TSNARE1: variants seen among roughly 807,000 people sequenced by gnomAD.
The protein encoded by TSNARE1 is t-SNARE domain containing 1, also known as t-SNARE domain-containing protein 1.
A neutral mutation model predicts 62.0 loss-of-function variants in TSNARE1; 49 were observed. The ratio of observed to expected loss-of-function variants is 0.79; its 90% CI spans 0.63 to 1.00. The LOEUF (loss-of-function observed/expected upper bound fraction) is 1.00. Ranked by LOEUF, TSNARE1 falls within the 50% of genes least tolerant of loss-of-function variation. The probability of loss-of-function intolerance (pLI) is 0.00; values close to 1 mark genes in which losing one functional copy is unlikely to be tolerated. For missense variants in TSNARE1, 755 were observed against 700.1 expected (o/e 1.08, Z -0.88); for synonymous variants, 328 against 294.4 (o/e 1.11, Z -1.17).
At chr8:142,369,321 G>T (rs1319988056) in intron 1 of TSNARE1, among the ~76,000 whole-genome samples, 1 of 152,202 alleles carries the variant, frequency 6.6e-6, no homozygotes, top group African/African-American at 2.4e-5. Context: ...GGCAACCCCT[G>T]ACCAGCTGGA....
rs1208366784 is a variant in TSNARE1 at position 142,223,453 on chromosome 8, C to T, written c.*11+6020G>A. Among the ~76,000 whole-genome samples the T allele has an allele frequency of 2.3e-4, 8 of 35,032 alleles. 1 individual carries two copies. The highest frequency in any genetic ancestry group is 4.2e-4 in the African/African-American group (5 of 11,886). 23.0% of individuals were successfully genotyped at this position (35,032 alleles called of 152,430 possible). A position where few individuals can be genotyped will look rare whatever the true frequency, so the allele number is the denominator to read the frequency against. ...TCACTCACTCACTAATTCACTCATT[C>T]GCTCATTCACTCATTCACTAACTCA... On this transcript the variant is annotated intron_variant, in intron 13 of 13. Coordinates refer to ENST00000524325, the MANE Select transcript of TSNARE1 (RefSeq NM_145003.5).
chr8:142,314,678 C>T (rs561066212), intron 8 of TSNARE1, among the ~76,000 whole-genome samples: 7 of 152,326 alleles, frequency 4.6e-5, no homozygotes, highest in East Asian at 3.9e-4. Context: ...GCCAGCGAGT[C>T]GCTGGATGGC....
rs575549730 is a variant in TSNARE1, at chr8:142,311,249, G to A, written c.1131+3135C>T. ...GCAATCTTGGCTCACTGCAACCTGC[G>A]CCTCCCAGATTCAAGCGATTCTCCT... On this transcript the variant is annotated intron_variant, in intron 9 of 13. Transcript: ENST00000524325. Among the ~76,000 whole-genome samples the A allele has an allele frequency of 3.5e-5, 5 of 144,912 alleles. No individual in the cohort carries two copies. In the East Asian group the frequency reaches 8.2e-4, roughly 24 times the overall value.
chr8:142,297,090 G>A (rs1563853469), intron 10 of TSNARE1, among the ~76,000 whole-genome samples: 1 of 152,232 alleles, frequency 6.6e-6, no homozygotes, highest in East Asian at 1.9e-4. Context: ...AAATGAATGA[G>A]GCAAATCGGG....
intron 13 of TSNARE1, among the ~76,000 whole-genome samples, chr8:142,221,719 AC>A (rs1816230787): frequency 1.7e-5 from 1 of 57,480 alleles, no homozygotes; most frequent in African/African-American, 5.6e-5. Context: ...CCACTCACTC[AC>A]TCATTCACTC....
intron 12 of TSNARE1, among the ~76,000 whole-genome samples, chr8:142,258,028 C>G (rs555665774): frequency 6.6e-6 from 1 of 152,324 alleles, no homozygotes; most frequent in African/African-American, 2.4e-5. Flanking sequence ...CTTATACACA[C>G]ATGCACACAT....
intron 13 of TSNARE1, among the ~76,000 whole-genome samples, chr8:142,226,428 C>A (rs555116105): frequency 6.6e-6 from 1 of 152,196 alleles, no homozygotes; most frequent in Non-Finnish European, 1.5e-5. Context: ...GCCCACCTCT[C>A]AGCCCACGCT....
intron 12 of TSNARE1, among the ~76,000 whole-genome samples, chr8:142,267,717 G>A (rs932033749): frequency 3.9e-5 from 6 of 152,132 alleles, no homozygotes; most frequent in East Asian, 1.9e-4. Flanking sequence ...GGCAAGCTCC[G>A]CCACAGAATG....
At position 142,378,445 on chromosome 8, in the gene TSNARE1, G is replaced by A. The variant is rs1369686899; in HGVS notation, c.-39-23682C>T. 3.9e-5 allele frequency among the ~76,000 whole-genome samples: 6 copies of A among 152,320 alleles called. No homozygotes were observed. In the South Asian group the frequency reaches 6.2e-4, roughly 16 times the overall value. On this transcript the variant is annotated intron_variant, in intron 1 of 13. Coordinates refer to ENST00000524325, the MANE Select transcript of TSNARE1 (RefSeq NM_145003.5). ...AGACAGCCATCAAAACTCATCACAC[G>A]GAACACTGGGGAGCTGTGTGTCCTA...
chr8:142,251,289 G>A (rs899615877), intron 12 of TSNARE1, among the ~76,000 whole-genome samples: 15 of 151,246 alleles, frequency 9.9e-5, no homozygotes, highest in South Asian at 2.1e-4. Flanking sequence ...AGGCAGTGTC[G>A]GAGTTTGAGA....
intron 1 of TSNARE1, among the ~76,000 whole-genome samples, chr8:142,361,447 G>A (rs1319559911): frequency 3.3e-5 from 5 of 152,188 alleles, no homozygotes; most frequent in Non-Finnish European, 4.4e-5. Flanking sequence ...GGCAGCAGAG[G>A]CAATGGCAAG....
intron 1 of TSNARE1, among the ~76,000 whole-genome samples, chr8:142,368,222 C>CAA (rs1483951005): frequency 1.3e-5 from 2 of 151,248 alleles, no homozygotes; most frequent in Non-Finnish European, 2.9e-5. Flanking sequence ...CGAATATTAT[C>CAA]CTTAACATAT....
At chr8:142,370,579 C>G (rs752806357) in intron 1 of TSNARE1, among the ~76,000 whole-genome samples, 1 of 151,874 alleles carries the variant, frequency 6.6e-6, no homozygotes, top group Admixed American at 6.6e-5. Context: ...AAAACAACAG[C>G]AACAACAAAA....
intron 12 of TSNARE1, among the ~76,000 whole-genome samples, chr8:142,235,229 C>G (rs1817346787): frequency 6.6e-6 from 1 of 151,728 alleles, no homozygotes; most frequent in African/African-American, 2.4e-5. Flanking sequence ...CGTGACTCAC[C>G]CAGGATACCC....
At position 142,316,943 on chromosome 8, in the gene TSNARE1, G is replaced by A. The variant is rs758299194; in HGVS notation, c.984+1601C>T. Among the ~76,000 whole-genome samples the A allele has an allele frequency of 2.0e-5, 3 of 151,918 alleles. No individual in the cohort carries two copies. In the Admixed American group the frequency reaches 2.0e-4, roughly 10 times the overall value. On this transcript the variant is annotated intron_variant, in intron 7 of 13. Coordinates refer to ENST00000524325, the MANE Select transcript of TSNARE1 (RefSeq NM_145003.5). ...CACGCTGCTGGCTCTGCAGCAGGCC[G>A]AACTTGCAACCCCAGCCCTCCCAAG... is the stretch of plus-strand genomic sequence containing the variant.
intron 9 of TSNARE1, among the ~76,000 whole-genome samples, chr8:142,310,818 T>C (rs1827454312): frequency 6.6e-6 from 1 of 152,222 alleles, no homozygotes; most frequent in African/African-American, 2.4e-5. Context: ...TTTCAAATTT[T>C]TATCATGCTA....
At chr8:142,214,028 T>C (rs907951747) in intron 13 of TSNARE1, among the ~76,000 whole-genome samples, 1 of 152,212 alleles carries the variant, frequency 6.6e-6, no homozygotes. Flanking sequence ...ACACCTGTCC[T>C]GCCCCCAAGG....
chr8:142,280,464 T>A, intron 11 of TSNARE1: 1 of 351,552 alleles, frequency 2.8e-6, no homozygotes, highest in Non-Finnish European at 4.0e-6. Context: ...GCAGCCTACA[T>A]CCACTATACA....
At chr8:142,398,613 C>G (rs993776177) in intron 1 of TSNARE1, among the ~76,000 whole-genome samples, 3 of 152,202 alleles carry the variant, frequency 2.0e-5, no homozygotes, top group African/African-American at 7.2e-5. Flanking sequence ...GTAAGGTGCA[C>G]AGCAGTGTCC....
Sources: allele counts gnomAD v4.1 joint callset (sites outside exome capture counted in the v4.1 genomes callset), GRCh38; gene constraint gnomAD v4.1.1; transcripts MANE v1.5; gene names NCBI Gene and HGNC (gene_info 2026-07-23, HGNC 2026-07-21).